ANK3: variants seen among roughly 807,000 people sequenced by gnomAD.
ANK3 encodes the protein ankyrin 3.
ANK3 carries 57 observed loss-of-function variants against 370.9 expected under a neutral mutation model. The observed-to-expected ratio is 0.15, with a 90% CI of 0.12 to 0.19. The LOEUF is 0.19. Among genes scored for constraint, ANK3 ranks in the 10% least tolerant of loss-of-function variants. The pLI is 1.00. For missense variants in ANK3, 4,439 were observed against 5,302.1 expected (o/e 0.84, Z 5.06); for synonymous variants, 1,929 against 1,946.3 (o/e 0.99, Z 0.23).
intron 1 of ANK3, among the ~76,000 whole-genome samples, chr10:60,695,673 G>A (rs1233352980): frequency 6.6e-6 from 1 of 152,068 alleles, no homozygotes; most frequent in Admixed American, 6.5e-5. Context: ...ATGAAATGAA[G>A]GCAGAAATAA....
intron 17 of ANK3, among the ~76,000 whole-genome samples, chr10:60,182,076 A>G (rs2096206806): frequency 6.6e-6 from 1 of 150,828 alleles, no homozygotes; most frequent in South Asian, 2.1e-4. Context: ...TACAAAAATT[A>G]GACTTTTTTT....
intron 23 of ANK3, among the ~76,000 whole-genome samples, chr10:60,151,073 G>A (rs1439600316): frequency 6.6e-6 from 1 of 152,122 alleles, no homozygotes; most frequent in East Asian, 1.9e-4. Context: ...GGACATAATG[G>A]AAATTAGGAG....
intron 8 of ANK3, among the ~76,000 whole-genome samples, chr10:60,225,209 A>T (rs921147850): frequency 6.6e-6 from 1 of 152,146 alleles, no homozygotes; most frequent in African/African-American, 2.4e-5. Flanking sequence ...CACCGCACCC[A>T]GCCAGCAAAG....
At chr10:60,504,625 T>C (rs1256234113) in intron 2 of ANK3, among the ~76,000 whole-genome samples, 1 of 152,192 alleles carries the variant, frequency 6.6e-6, no homozygotes, top group Non-Finnish European at 1.5e-5. Flanking sequence ...AGTATTCTTG[T>C]TGAAAATATT....
At chr10:60,535,807 A>G (rs970442566) in intron 2 of ANK3, among the ~76,000 whole-genome samples, 1 of 152,088 alleles carries the variant, frequency 6.6e-6, no homozygotes, top group African/African-American at 2.4e-5. Context: ...TATAGTACTA[A>G]CATTTCACTG....
intron 28 of ANK3, 141 bp downstream of exon 28, chr10:60,105,764 A>G (rs2092079624): frequency 9.0e-6 from 7 of 780,920 alleles, no homozygotes; most frequent in Non-Finnish European, 1.3e-5. Context: ...ATGATATAGA[A>G]AACAGCAACA....
In ANK3 at chr10:60,701,665, C is replaced by T. The variant is rs191244436; in HGVS notation, c.57+31598G>A. 1.9e-4 allele frequency among the ~76,000 whole-genome samples: 29 copies of T among 152,256 alleles called. No homozygotes were observed. In the East Asian group the frequency reaches 5.6e-3, roughly 29 times the overall value. On this transcript the variant is annotated intron_variant, in intron 1 of 43. Coordinates refer to the ANK3 transcript ENST00000373827. ...GTATAGCATGCTACATTTATCTAAA[C>T]AAAGGAGAAAGTGGCAGACAGCCCC...
intron 7 of ANK3, among the ~76,000 whole-genome samples, chr10:60,238,992 C>A (rs892232103): frequency 6.6e-6 from 1 of 152,044 alleles, no homozygotes; most frequent in African/African-American, 2.4e-5. Context: ...AGAAAAATTG[C>A]AATATCAGAG....
At chr10:60,647,897 G>A (rs1206497424) in intron 1 of ANK3, among the ~76,000 whole-genome samples, 1 of 151,484 alleles carries the variant, frequency 6.6e-6, no homozygotes, top group Non-Finnish European at 1.5e-5. Flanking sequence ...CACCAGGCTG[G>A]AGTGCAGTGG....
chr10:60,180,612 AACC>A (rs1336098413), intron 18 of ANK3, among the ~76,000 whole-genome samples: 1 of 128,720 alleles, frequency 7.8e-6, no homozygotes, highest in African/African-American at 3.3e-5. Flanking sequence ...AAAAAAAAAA[AACC>A]AAAAAAAAAA....
Position 60,063,117 on chromosome 10 carries a change from C to T in ANK3, c.12589G>A (p.Val4197Ile), listed in dbSNP as rs1352145764. Residue 4197 changes from valine (V) to isoleucine (I), a missense_variant, in exon 40 of 44, where the codon GTT (valine) becomes ATT (isoleucine). Coordinates refer to ENST00000280772, the MANE Select transcript of ANK3 (RefSeq NM_020987.5). ...GAACACTAAATTCGATTACCATCAACAGGGTCATGGAAAACATTGTTCTCA... is the reference window on the plus strand; with the variant it reads ...GAACACTAAATTCGATTACCATCAATAGGGTCATGGAAAACATTGTTCTCA... The part of the protein sequence containing the change: ...ADENNVFHDP[V>I]DGWQNETSSG... 3.7e-6 allele frequency: 6 copies of T among 1,610,228 alleles called. No individual in the cohort carries two copies. Among genetic ancestry groups the T allele is most frequent in the East Asian group, 2.2e-5 (1 of 44,780 alleles).
At chr10:60,708,569 T>A (rs1175772812) in intron 1 of ANK3, among the ~76,000 whole-genome samples, 1 of 152,130 alleles carries the variant, frequency 6.6e-6, no homozygotes, top group African/African-American at 2.4e-5. Context: ...CATTTTGAAA[T>A]ACACCCAGAA....
At chr10:60,097,332 G>A (rs745668415) in intron 28 of ANK3, among the ~76,000 whole-genome samples, 2 of 152,158 alleles carry the variant, frequency 1.3e-5, no homozygotes, top group Non-Finnish European at 2.9e-5. Context: ...GTTGATAAAC[G>A]GATGAGTAAT....
intron 26 of ANK3, among the ~76,000 whole-genome samples, chr10:60,112,228 A>T (rs1447449307): frequency 6.6e-6 from 1 of 151,808 alleles, no homozygotes; most frequent in Non-Finnish European, 1.5e-5. Flanking sequence ...ATTTGTAGAG[A>T]ATACAAAGTG....
At chr10:60,465,509 T>C (rs1157305432) in intron 2 of ANK3, among the ~76,000 whole-genome samples, 3 of 152,162 alleles carry the variant, frequency 2.0e-5, no homozygotes, top group Admixed American at 2.0e-4. Context: ...GGCAGGAAAC[T>C]GTACAATTCA....
chr10:60,202,975 G>A, intron 12 of ANK3, 27 bp downstream of exon 12: 2 of 1,514,104 alleles, frequency 1.3e-6, no homozygotes, highest in Non-Finnish European at 1.8e-6. Context: ...ACTCACAATG[G>A]ACCTCCTTTG....
chr10:60,293,993 T>C (rs2042004372), intron 1 of ANK3, among the ~76,000 whole-genome samples: 1 of 152,256 alleles, frequency 6.6e-6, no homozygotes, highest in Non-Finnish European at 1.5e-5. Context: ...GCCTTCATGC[T>C]TAAGGATCCT....
chr10:60,617,108 C>T lies in ANK3; in HGVS notation c.58-1884G>A, dbSNP rs2078277690. Among the ~76,000 whole-genome samples the T allele has an allele frequency of 3.3e-5, 5 of 152,134 alleles. No individual in the cohort carries two copies. In the South Asian group the frequency reaches 1.0e-3, roughly 32 times the overall value. On this transcript the variant is annotated intron_variant, in intron 1 of 43. Coordinates refer to the ANK3 transcript ENST00000373827. ...AAATATTTTCATTTGCTTTCCCAGT[C>T]CGTTATTTGCATTTAGGTTTGGTTT...
At chr10:60,340,579 T>C (rs1235654073) in intron 1 of ANK3, among the ~76,000 whole-genome samples, 1 of 152,050 alleles carries the variant, frequency 6.6e-6, no homozygotes, top group Non-Finnish European at 1.5e-5. Context: ...ACCTGGCTAA[T>C]TTTTGTATTT....
Sources: allele counts gnomAD v4.1 joint callset (sites outside exome capture counted in the v4.1 genomes callset), GRCh38; gene constraint gnomAD v4.1.1; transcripts MANE v1.5; gene names NCBI Gene and HGNC (gene_info 2026-07-23, HGNC 2026-07-21).